The following LRRIQ1 variants were observed in gnomAD, a reference collection of about 807,000 sequenced individuals.
The protein encoded by LRRIQ1 is leucine rich repeats and IQ motif containing 1.
Under a neutral mutation model 211.9 loss-of-function variants are expected in LRRIQ1, and 210 were observed. The observed-to-expected ratio is 0.99, with a 90% CI of 0.89 to 1.11. LRRIQ1 has a LOEUF of 1.11. LRRIQ1 is among the 50% of genes most tolerant of loss of function. LRRIQ1 has a pLI of 0.00. For synonymous variants in LRRIQ1, 699 were observed against 650.1 expected, an observed-to-expected ratio of 1.08 and a Z score of -1.14; for missense variants, 2,136 against 1,939.5, an observed-to-expected ratio of 1.10 and a Z score of -1.90.
chr12:85,099,803 C>T (rs1187154196), intron 13 of LRRIQ1, among the ~76,000 whole-genome samples: 3 of 151,706 alleles, frequency 2.0e-5, no homozygotes, highest in African/African-American at 7.2e-5. Context: ...ATAAAATCAT[C>T]TCTCAATCTC....
chr12:85,130,417 A>G (rs1277972621), intron 18 of LRRIQ1, among the ~76,000 whole-genome samples: 1 of 152,236 alleles, frequency 6.6e-6, no homozygotes, highest in Non-Finnish European at 1.5e-5. Context: ...ATTTTTCAGC[A>G]TTGACAGTAA....
intron 15 of LRRIQ1, among the ~76,000 whole-genome samples, chr12:85,121,219 T>A (rs1887958702): frequency 6.6e-6 from 1 of 152,178 alleles, no homozygotes; most frequent in Admixed American, 6.5e-5. Context: ...ATGTTCCAGA[T>A]CATGATAAAC....
chr12:85,125,908 G>T (rs1888342237), intron 17 of LRRIQ1, among the ~76,000 whole-genome samples: 1 of 152,020 alleles, frequency 6.6e-6, no homozygotes, highest in Non-Finnish European at 1.5e-5. Flanking sequence ...AAGACCCAAA[G>T]AATAAACGGG....
chr12:85,236,791 A>T (rs893265866), intron 26 of LRRIQ1, among the ~76,000 whole-genome samples: 5 of 145,680 alleles, frequency 3.4e-5, no homozygotes, highest in African/African-American at 1.3e-4. Context: ...TATCTTTTTG[A>T]TGTATATATA....
rs199806723 is a variant in LRRIQ1 at position 85,195,739 on chromosome 12, G to A, written c.4823-33778G>A. On this transcript the variant is annotated intron_variant, in intron 24 of 26. Coordinates refer to ENST00000393217, the MANE Select transcript of LRRIQ1 (RefSeq NM_001079910.2). ...ATATCATACGGAATGGGCAAAAACT[G>A]GAAGCATTCCCTTTGAAAACTGGCA... Among the ~76,000 whole-genome samples the A allele has an allele frequency of 0.011, 1,612 of 152,094 alleles. 114 individuals carry two copies. In the East Asian group the frequency reaches 0.2, roughly 19 times the overall value.
chr12:85,172,913 C>G (rs1246179395), intron 24 of LRRIQ1, among the ~76,000 whole-genome samples: 1 of 151,708 alleles, frequency 6.6e-6, no homozygotes, highest in Non-Finnish European at 1.5e-5. Context: ...TCGAGACCAT[C>G]CTGGTGAACA....
At chr12:85,256,710 A>G (rs1023777436) in intron 1 of LRRIQ1, among the ~76,000 whole-genome samples, 2 of 151,524 alleles carry the variant, frequency 1.3e-5, no homozygotes, top group African/African-American at 4.8e-5. Context: ...ATAGAAAGCA[A>G]CTACAGTATG....
Position 85,064,481 on chromosome 12 carries a change from T to G in LRRIQ1, c.2392-781T>G, listed in dbSNP as rs1882209712. On this transcript the variant is annotated intron_variant, in intron 8 of 26. Transcript: ENST00000393217. ...CCCTTTCTGTGGACTGTCTCTCCAC[T>G]TTGTTGATTGTTTCCTTTGCTGTAC... Among the ~76,000 whole-genome samples, 9 of 151,958 alleles carry G rather than the reference T, an allele frequency of 5.9e-5. No individual in the cohort carries two copies. In the South Asian group the frequency reaches 1.9e-3, roughly 31 times the overall value.
At chr12:85,045,276 TA>T (rs967307390) in intron 4 of LRRIQ1, among the ~76,000 whole-genome samples, 12 of 151,924 alleles carry the variant, frequency 7.9e-5, no homozygotes, top group African/African-American at 2.4e-4. Flanking sequence ...CAGTTTAAGT[TA>T]AAAATCCCAC....
chr12:85,068,836 T>A (rs71450993), intron 10 of LRRIQ1, among the ~76,000 whole-genome samples: 3,651 of 151,614 alleles, frequency 0.024, 73 homozygotes, highest in Admixed American at 0.036. Context: ...GTGTGAATTG[T>A]CTTACAGAAT....
chr12:85,135,529 TTAAC>T (rs1398336716), intron 18 of LRRIQ1, among the ~76,000 whole-genome samples: 2 of 151,908 alleles, frequency 1.3e-5, no homozygotes, highest in Admixed American at 1.3e-4. Context: ...AATACTTTAT[TTAAC>T]TAGTTATCCT....
intron 18 of LRRIQ1, among the ~76,000 whole-genome samples, chr12:85,133,337 G>A (rs1888901904): frequency 6.6e-6 from 1 of 152,050 alleles, no homozygotes; most frequent in African/African-American, 2.4e-5. Context: ...CATAGTTTAG[G>A]CAATAAATAG....
intron 5 of LRRIQ1, among the ~76,000 whole-genome samples, chr12:85,046,655 TA>T (rs1190074460): frequency 5.9e-5 from 9 of 152,222 alleles, no homozygotes; most frequent in African/African-American, 2.2e-4. Context: ...TTACTGGGTA[TA>T]TACCCAAAGG....
In LRRIQ1 at chr12:85,056,002, C is replaced by T. The variant is rs199894971; in HGVS notation, c.1209C>T (p.Ser403=). The T allele has an allele frequency of 1.8e-4, 295 of 1,607,138 alleles. 1 individual carries two copies. The highest frequency in any genetic ancestry group is 1.7e-4 in the Middle Eastern group (1 of 6,018). ...TAATAAGTAGTGCATTAAAGAAGAG[C>T]GGATATAATAACAAACATTTAAGTC... is the stretch of plus-strand genomic sequence containing the variant. The part of the protein sequence containing the change: ...QLIISSALKK[S]GYNNKHLSLE... The change falls in exon 8 of 27, where the codon AGC becomes AGT. Residue 403 remains serine, a synonymous_variant. Transcript: ENST00000393217.
In LRRIQ1 at chr12:85,099,011, G is replaced by A; in HGVS notation, c.3209+17G>A. On this transcript the variant is annotated intron_variant, in intron 13 of 26. Transcript: ENST00000393217. ...TCAAAACAGGTAAAAGCATACTTAA[G>A]AAATAAATTCAGTGAATGATTGTTT... 6.7e-7 allele frequency: 1 copy of A among 1,488,664 alleles called. No homozygotes were observed. Among genetic ancestry groups the A allele is most frequent in the Non-Finnish European group, 9.1e-7 (1 of 1,101,970 alleles). 92.2% of individuals were successfully genotyped at this position (1,488,664 alleles called of 1,614,324 possible). A position where few individuals can be genotyped will look rare whatever the true frequency, so the allele number is the denominator to read the frequency against.
intron 15 of LRRIQ1, among the ~76,000 whole-genome samples, chr12:85,120,206 T>C (rs1456448583): frequency 6.6e-6 from 1 of 152,174 alleles, no homozygotes; most frequent in Non-Finnish European, 1.5e-5. Context: ...TCTGAGATAA[T>C]ATTTTGTGAA....
downstream of LRRIQ1, among the ~76,000 whole-genome samples, chr12:85,265,751 A>G (rs1896404839): frequency 6.6e-6 from 1 of 152,026 alleles, no homozygotes. Flanking sequence ...TATATTAATT[A>G]AAATAATAAT....
In LRRIQ1 at chr12:85,065,362, C is replaced by G. The variant is rs777891047; in HGVS notation, c.2492C>G (p.Thr831Ser). The G allele has an allele frequency of 4.3e-6, 7 of 1,610,736 alleles. No homozygotes were observed. In the South Asian group the frequency reaches 6.6e-5, roughly 15 times the overall value. ...QFLSLRRCGL[T>S]SLHSLSNCKK... Reference sequence around the variant, plus strand: ...CTATCCCTTCGACGCTGTGGATTAACTTCTTTGCACAGCCTGAGTAATTGT... The same window carrying G: ...CTATCCCTTCGACGCTGTGGATTAAGTTCTTTGCACAGCCTGAGTAATTGT... The change falls in exon 9 of 27, where the codon ACT (threonine) becomes AGT (serine). Residue 831 changes from threonine (T) to serine (S), a missense_variant. Transcript: ENST00000393217.
intron 19 of LRRIQ1, among the ~76,000 whole-genome samples, chr12:85,150,664 A>G (rs545396415): frequency 1.3e-5 from 2 of 151,732 alleles, no homozygotes; most frequent in African/African-American, 2.4e-5. Flanking sequence ...AACTGTAGCC[A>G]TTGTTTCTAG....
Sources: gnomAD v4.1 joint callset for allele counts (sites outside exome capture counted in the v4.1 genomes callset) on GRCh38, gnomAD v4.1.1 for gene constraint, MANE v1.5 for transcripts, NCBI Gene and HGNC (gene_info 2026-07-23, HGNC 2026-07-21) for gene names.